The following LUZP2 variants were observed in gnomAD, a reference collection of about 807,000 sequenced individuals.
LUZP2 encodes leucine zipper protein 2.
LUZP2 carries 52 observed loss-of-function variants against 51.6 expected under a neutral mutation model. The observed-to-expected ratio is 1.01, with a 90% CI of 0.81 to 1.27. The LOEUF (loss-of-function observed/expected upper bound fraction) is 1.27, where lower values mean the gene tolerates loss of function less well. Ranked by LOEUF, LUZP2 falls within the 50% of genes most tolerant of loss-of-function variation. The pLI is 0.00. For synonymous variants in LUZP2, 154 were observed against 137.3 expected, an observed-to-expected ratio of 1.12 and a Z score of -0.85; for missense variants, 436 against 395.4, an observed-to-expected ratio of 1.10 and a Z score of -0.87.
chr11:24,750,703 T>C (rs1859546611), intron 4 of LUZP2, among the ~76,000 whole-genome samples: 1 of 152,192 alleles, frequency 6.6e-6, no homozygotes, highest in Non-Finnish European at 1.5e-5. Context: ...ATCCCTCAAC[T>C]TTCTCTTCTC....
chr11:24,897,297 C>G (rs1035916374), intron 5 of LUZP2, among the ~76,000 whole-genome samples: 6 of 152,326 alleles, frequency 3.9e-5, no homozygotes, highest in East Asian at 3.9e-4. Context: ...TAAAAGCAGG[C>G]TGCAGGAGCC....
chr11:24,671,502 G>A (rs1215798029), intron 1 of LUZP2, among the ~76,000 whole-genome samples: 1 of 151,528 alleles, frequency 6.6e-6, no homozygotes, highest in East Asian at 1.9e-4. Context: ...AAAGTCTGAA[G>A]GATTTCTCTC....
intron 1 of LUZP2, among the ~76,000 whole-genome samples, chr11:24,558,287 T>G (rs1851931246): frequency 6.6e-6 from 1 of 152,118 alleles, no homozygotes; most frequent in Non-Finnish European, 1.5e-5. Context: ...CACTACTGGC[T>G]TTCCTGGTTC....
chr11:24,990,027 G>T (rs1856292637), intron 9 of LUZP2, among the ~76,000 whole-genome samples: 9 of 151,906 alleles, frequency 5.9e-5, no homozygotes, highest in Admixed American at 5.9e-4. Context: ...TTAAAATATT[G>T]CCACATATTC....
intron 1 of LUZP2, among the ~76,000 whole-genome samples, chr11:24,617,883 T>C (rs1249562844): frequency 6.6e-6 from 1 of 151,992 alleles, no homozygotes; most frequent in East Asian, 1.9e-4. Context: ...ATAAAACACC[T>C]GGATCCTGGA....
chr11:24,921,426 A>G (rs549039322), intron 7 of LUZP2, among the ~76,000 whole-genome samples: 1 of 152,230 alleles, frequency 6.6e-6, no homozygotes, highest in East Asian at 1.9e-4. Flanking sequence ...ACCTGGTGTT[A>G]TCTGGAGGTG....
At chr11:24,899,544 C>T (rs1397402940) in intron 5 of LUZP2, among the ~76,000 whole-genome samples, 2 of 151,872 alleles carry the variant, frequency 1.3e-5, no homozygotes, top group Non-Finnish European at 2.9e-5. Flanking sequence ...TCAAATTATA[C>T]TTGACAATTA....
rs1850452107 is a variant in LUZP2, at chr11:24,824,237, A to G, written c.396+60929A>G. Among the ~76,000 whole-genome samples, 5 of 147,038 alleles carry G rather than the reference A, an allele frequency of 3.4e-5. No individual in the cohort carries two copies. In the South Asian group the frequency reaches 8.8e-4, roughly 26 times the overall value. On this transcript the variant is annotated intron_variant, in intron 5 of 11. Coordinates refer to ENST00000336930, the MANE Select transcript of LUZP2 (RefSeq NM_001009909.4). ...AAAAATTAGCCGGGCATGGTGGCAC[A>G]TGCCTGTAATCCCAGCTACTCAGGA...
rs1315726969 is a variant in LUZP2, at chr11:24,605,816, G to A, written c.62+108511G>A. ...TATGTTAGGTCTCCAGAACTTATTT[G>A]TCTTATAACTTCAATTGTGTGCCCT... On this transcript the variant is annotated intron_variant, in intron 1 of 11. Coordinates refer to ENST00000336930, the MANE Select transcript of LUZP2 (RefSeq NM_001009909.4). 2.0e-5 allele frequency among the ~76,000 whole-genome samples: 3 copies of A among 151,676 alleles called. No individual in the cohort carries two copies. In the East Asian group the frequency reaches 5.8e-4, roughly 29 times the overall value.
intron 1 of LUZP2, among the ~76,000 whole-genome samples, chr11:24,592,140 G>A (rs1386157056): frequency 6.6e-6 from 1 of 152,124 alleles, no homozygotes; most frequent in African/African-American, 2.4e-5. Flanking sequence ...GAGTTGTATT[G>A]GTTTTACTCT....
chr11:24,639,977 G>C (rs1855226886), intron 1 of LUZP2, among the ~76,000 whole-genome samples: 1 of 151,782 alleles, frequency 6.6e-6, no homozygotes, highest in African/African-American at 2.4e-5. Context: ...TCTGCTTTTT[G>C]TTCTGACATT....
chr11:24,567,808 A>G (rs1806202423), intron 1 of LUZP2, among the ~76,000 whole-genome samples: 1 of 152,162 alleles, frequency 6.6e-6, no homozygotes, highest in African/African-American at 2.4e-5. Flanking sequence ...ATGTGTTGCT[A>G]GCAGATCTGC....
At chr11:24,798,202 CT>C (rs754426335) in intron 5 of LUZP2, among the ~76,000 whole-genome samples, 1 of 82,388 alleles carries the variant, frequency 1.2e-5, no homozygotes, top group Non-Finnish European at 3.2e-5. Flanking sequence ...TCTTATATTT[CT>C]TTTTTTTTAT....
intron 1 of LUZP2, among the ~76,000 whole-genome samples, chr11:24,518,054 A>C (rs961499661): frequency 1.3e-5 from 2 of 152,160 alleles, no homozygotes; most frequent in Non-Finnish European, 2.9e-5. Context: ...ATGTAGGAGA[A>C]ATTATTTTTT....
chr11:24,840,301 G>T (rs1182542770), intron 5 of LUZP2, among the ~76,000 whole-genome samples: 1 of 151,848 alleles, frequency 6.6e-6, no homozygotes, highest in Admixed American at 6.6e-5. Flanking sequence ...AGCAGGTTCT[G>T]CAACAGAAAT....
Position 24,974,719 on chromosome 11 carries a change from T to G in LUZP2, c.523-1872T>G, listed in dbSNP as rs180982185. Reference sequence around the variant, plus strand: ...GTGATTAAATAAATTTTACCAGATATCTAAACGATAAGAAGAAAATTATGC... The same window carrying G: ...GTGATTAAATAAATTTTACCAGATAGCTAAACGATAAGAAGAAAATTATGC... On this transcript the variant is annotated intron_variant, in intron 7 of 11. Coordinates refer to ENST00000336930, the MANE Select transcript of LUZP2 (RefSeq NM_001009909.4). Among the ~76,000 whole-genome samples, 11 of 152,100 alleles carry G rather than the reference T, an allele frequency of 7.2e-5. No homozygotes were observed. The East Asian group carries it at 2.1e-3, about 29-fold the overall frequency.
chr11:24,551,394 A>ATCT (rs1259046190), intron 1 of LUZP2, among the ~76,000 whole-genome samples: 1 of 152,074 alleles, frequency 6.6e-6, no homozygotes, highest in Non-Finnish European at 1.5e-5. Flanking sequence ...CCAAGTCCAT[A>ATCT]AGAATATAAA....
At chr11:24,549,472 A>G (rs933909196) in intron 1 of LUZP2, among the ~76,000 whole-genome samples, 9 of 152,104 alleles carry the variant, frequency 5.9e-5, no homozygotes, top group Admixed American at 6.6e-5. Flanking sequence ...ACAATATAAA[A>G]TAACACTAAC....
chr11:24,563,523 G>A (rs968005356), intron 1 of LUZP2, among the ~76,000 whole-genome samples: 6 of 151,882 alleles, frequency 4.0e-5, no homozygotes, highest in South Asian at 2.1e-4. Context: ...CTATGTTATT[G>A]GATATAATAA....
Sources: gnomAD v4.1 joint callset for allele counts (sites outside exome capture counted in the v4.1 genomes callset) on GRCh38, gnomAD v4.1.1 for gene constraint, MANE v1.5 for transcripts, NCBI Gene and HGNC (gene_info 2026-07-23, HGNC 2026-07-21) for gene names.